Variants in SHISA6 observed in about 807,000 individuals in gnomAD.
SHISA6 encodes shisa family member 6.
SHISA6 carries 22 observed loss-of-function variants against 47.9 expected under a neutral mutation model. The observed-to-expected ratio is 0.46, with a 90% CI of 0.33 to 0.66. The LOEUF is 0.66. Among genes scored for constraint, SHISA6 ranks in the 30% least tolerant of loss-of-function variants. The probability of loss-of-function intolerance (pLI) is 0.02; values close to 1 mark genes in which losing one functional copy is unlikely to be tolerated. For synonymous variants in SHISA6, 388 were observed against 337.8 expected (o/e 1.15, Z -1.63); for missense variants, 680 against 764.6 (o/e 0.89, Z 1.30).
chr17:11,491,920 C>T lies in SHISA6; in HGVS notation c.896-59976C>T, dbSNP rs367784952. 2.0e-5 allele frequency among the ~76,000 whole-genome samples: 3 copies of T among 151,986 alleles called. No individual in the cohort carries two copies. The East Asian group carries it at 5.8e-4, about 29-fold the overall frequency. On this transcript the variant is annotated intron_variant, in intron 3 of 5. Coordinates refer to ENST00000441885, the MANE Select transcript of SHISA6 (RefSeq NM_207386.4). ...CTGAGTAGCTGGGATTACAGGCATG[C>T]ACCACCACACCCAGCAAGTTTTGTA...
At chr17:11,548,333 T>C (rs1396982946) in intron 3 of SHISA6, among the ~76,000 whole-genome samples, 1 of 152,100 alleles carries the variant, frequency 6.6e-6, no homozygotes, top group African/African-American at 2.4e-5. Context: ...TTTCAAAGCA[T>C]ACAAAAAGAT....
chr17:11,252,398 T>C (rs1366753682), intron 1 of SHISA6, among the ~76,000 whole-genome samples: 1 of 152,224 alleles, frequency 6.6e-6, no homozygotes, highest in East Asian at 1.9e-4. Context: ...TGTCCTCTTC[T>C]GGGAAGCGTG....
intron 1 of SHISA6, among the ~76,000 whole-genome samples, chr17:11,255,829 A>G (rs931831395): frequency 1.3e-5 from 2 of 152,196 alleles, no homozygotes; most frequent in Non-Finnish European, 2.9e-5. Context: ...TTGTGGTCCT[A>G]TAGGCTGAGC....
At chr17:11,265,869 C>T (rs1292759879) in intron 2 of SHISA6, among the ~76,000 whole-genome samples, 1 of 152,152 alleles carries the variant, frequency 6.6e-6, no homozygotes, top group Admixed American at 6.5e-5. Context: ...CTGTATACCT[C>T]GTCTCTTCTA....
chr17:11,288,852 T>G (rs9894259), intron 2 of SHISA6: 30 of 152,104 alleles, frequency 2.0e-4, no homozygotes, highest in African/African-American at 6.3e-4. Flanking sequence ...TTAACTGCAC[T>G]GGCTGACCCG....
At chr17:11,277,536 G>A (rs1038155799) in intron 2 of SHISA6, among the ~76,000 whole-genome samples, 2 of 152,102 alleles carry the variant, frequency 1.3e-5, no homozygotes, top group African/African-American at 4.8e-5. Flanking sequence ...ACTATTTCTT[G>A]AATAAACAAG....
At chr17:11,311,996 G>A (rs1345250518) in intron 2 of SHISA6, among the ~76,000 whole-genome samples, 4 of 151,974 alleles carry the variant, frequency 2.6e-5, no homozygotes, top group Admixed American at 6.6e-5. Context: ...GGTTAGTCTC[G>A]AACTCCTGAC....
chr17:11,415,203 T>G (rs1340088827), intron 3 of SHISA6, among the ~76,000 whole-genome samples: 3 of 152,210 alleles, frequency 2.0e-5, no homozygotes, highest in Admixed American at 6.5e-5. Flanking sequence ...TATTTGTATG[T>G]GATCTAATTT....
chr17:11,404,806 G>A (rs1213388137), intron 3 of SHISA6, among the ~76,000 whole-genome samples: 2 of 152,182 alleles, frequency 1.3e-5, no homozygotes, highest in African/African-American at 4.8e-5. Flanking sequence ...GGATGACCTC[G>A]CCTTTGGGCT....
intron 3 of SHISA6, among the ~76,000 whole-genome samples, chr17:11,442,808 G>A (rs1513753): frequency 0.2 from 31,037 of 152,106 alleles, 3,326 homozygotes; most frequent in South Asian, 0.35. Context: ...TAGATGGACA[G>A]TATAGGCAGT....
At chr17:11,253,417 A>T (rs1193751043) in intron 1 of SHISA6, among the ~76,000 whole-genome samples, 1 of 152,082 alleles carries the variant, frequency 6.6e-6, no homozygotes, top group Non-Finnish European at 1.5e-5. Context: ...GGAGAAGGTT[A>T]GATTGTTTAC....
intron 3 of SHISA6, among the ~76,000 whole-genome samples, chr17:11,407,690 G>A (rs1330940207): frequency 2.6e-5 from 4 of 152,166 alleles, no homozygotes; most frequent in African/African-American, 4.8e-5. Flanking sequence ...TGAGGAGTTC[G>A]GTTGATGGTT....
chr17:11,368,438 G>A (rs1160030342), intron 2 of SHISA6, among the ~76,000 whole-genome samples: 1 of 152,164 alleles, frequency 6.6e-6, no homozygotes, highest in African/African-American at 2.4e-5. Context: ...ATGGGGTAGA[G>A]AAGAGTCCTT....
chr17:11,505,620 T>G (rs1432189312), intron 3 of SHISA6, among the ~76,000 whole-genome samples: 2 of 152,246 alleles, frequency 1.3e-5, no homozygotes, highest in Non-Finnish European at 2.9e-5. Flanking sequence ...TGGCATGGAT[T>G]GCAGAGCAGT....
chr17:11,289,292 C>CT (rs1909435253), intron 2 of SHISA6: 1 of 151,746 alleles, frequency 6.6e-6, no homozygotes, highest in Non-Finnish European at 1.5e-5. Flanking sequence ...GTTTGTTACC[C>CT]TTTTGAAATA....
At chr17:11,317,447 T>C (rs752829610) in intron 2 of SHISA6, among the ~76,000 whole-genome samples, 2 of 152,042 alleles carry the variant, frequency 1.3e-5, no homozygotes, top group Non-Finnish European at 2.9e-5. Flanking sequence ...TAGTTTATCT[T>C]TGTTCAGCAC....
chr17:11,536,166 G>C (rs7224503), intron 3 of SHISA6, among the ~76,000 whole-genome samples: 2,667 of 152,220 alleles, frequency 0.018, 81 homozygotes, highest in African/African-American at 0.06. Flanking sequence ...GAACAAATGT[G>C]AAAGTTAAAC....
At chr17:11,555,940 A>G (rs2071974670) in intron 5 of SHISA6, 48 bp downstream of exon 5, 3 of 1,472,280 alleles carry the variant, frequency 2.0e-6, no homozygotes, top group Non-Finnish European at 2.7e-6. Context: ...GGGCTCCAAG[A>G]TATCTTCCTA....
chr17:11,354,484 T>C (rs1912012360), intron 2 of SHISA6, among the ~76,000 whole-genome samples: 1 of 152,158 alleles, frequency 6.6e-6, no homozygotes, highest in Admixed American at 6.5e-5. Context: ...GCAGGGACCC[T>C]CCGACCTCAT....
Sources: gnomAD v4.1 joint callset for allele counts (sites outside exome capture counted in the v4.1 genomes callset) on GRCh38, gnomAD v4.1.1 for gene constraint, MANE v1.5 for transcripts, NCBI Gene and HGNC (gene_info 2026-07-23, HGNC 2026-07-21) for gene names.